UBASH3B: variants seen among roughly 807,000 people sequenced by gnomAD.
The protein encoded by UBASH3B is ubiquitin-associated and SH3 domain-containing protein B.
UBASH3B carries 37 observed loss-of-function variants against 83.4 expected under a neutral mutation model. That is an observed-to-expected ratio of 0.44 (90% CI 0.34 to 0.58). UBASH3B has a LOEUF of 0.58. Among genes scored for constraint, UBASH3B ranks in the 20% least tolerant of loss-of-function variants. The probability of loss-of-function intolerance (pLI) is 0.01; values close to 1 mark genes in which losing one functional copy is unlikely to be tolerated. For synonymous variants in UBASH3B, 304 were observed against 318.3 expected (o/e 0.96, Z 0.48); for missense variants, 657 against 827.2 (o/e 0.79, Z 2.52).
At chr11:122,728,172 C>T (rs1860777540) in intron 1 of UBASH3B, among the ~76,000 whole-genome samples, 1 of 152,164 alleles carries the variant, frequency 6.6e-6, no homozygotes, top group Admixed American at 6.6e-5. Flanking sequence ...TGCAGTTGTT[C>T]TGGGAGGATC....
Position 122,813,993 on chromosome 11 carries a change from C to T in UBASH3B, c.*4107C>T, listed in dbSNP as rs1414734519. On this transcript the variant is annotated 3_prime_UTR_variant, in exon 14 of 14. Coordinates refer to ENST00000284273, the MANE Select transcript of UBASH3B (RefSeq NM_032873.5). ...AGTCGAACTTAATATACAATCAGTTCTTGCAAATACTTTACACTTAGCTGC... is the reference window on the plus strand; with the variant it reads ...AGTCGAACTTAATATACAATCAGTTTTTGCAAATACTTTACACTTAGCTGC... The T allele has an allele frequency of 6.6e-6, 1 of 152,400 alleles. No individual in the cohort carries two copies. Among genetic ancestry groups the T allele is most frequent in the African/African-American group, 2.4e-5 (1 of 41,444 alleles). 9.4% of individuals were successfully genotyped at this position (152,400 alleles called of 1,614,324 possible). A position where few individuals can be genotyped will look rare whatever the true frequency, so the allele number is the denominator to read the frequency against.
chr11:122,754,341 C>G (rs1429777661), intron 1 of UBASH3B, among the ~76,000 whole-genome samples: 1 of 152,230 alleles, frequency 6.6e-6, no homozygotes, highest in Non-Finnish European at 1.5e-5. Flanking sequence ...ATTGGTAACT[C>G]ATTTTCCTGA....
rs1860749720 is a variant in UBASH3B at position 122,777,081 on chromosome 11, C to A, written c.273C>A (p.Val91=). The A allele has an allele frequency of 3.1e-6, 5 of 1,613,848 alleles. No homozygotes were observed. Among genetic ancestry groups the A allele is most frequent in the Non-Finnish European group, 2.5e-6 (3 of 1,179,960 alleles). The change falls in exon 3 of 14, where the codon GTC becomes GTA. Residue 91 remains valine, a synonymous_variant. Coordinates refer to ENST00000284273, the MANE Select transcript of UBASH3B (RefSeq NM_032873.5). ...ATGACCCCCTGCCCCGGGAGTACGT[C>A]CTCTACCTCCGTCCCACCGGCCCCT... is the stretch of plus-strand genomic sequence containing the variant. ...FLDDPLPREY[V]LYLRPTGPLA...
At chr11:122,788,859 C>T (rs982867296) in intron 5 of UBASH3B, among the ~76,000 whole-genome samples, 3 of 152,216 alleles carry the variant, frequency 2.0e-5, no homozygotes, top group Non-Finnish European at 4.4e-5. Flanking sequence ...GAAATCTAGA[C>T]ATGCCTGAAG....
chr11:122,732,860 A>G (rs1378898038), intron 1 of UBASH3B, among the ~76,000 whole-genome samples: 4 of 152,250 alleles, frequency 2.6e-5, no homozygotes, highest in African/African-American at 4.8e-5. Context: ...ATTCTAATCA[A>G]TAGCTCCTCC....
At chr11:122,803,375 C>T (rs982610012) in intron 11 of UBASH3B, among the ~76,000 whole-genome samples, 2 of 152,074 alleles carry the variant, frequency 1.3e-5, no homozygotes, top group African/African-American at 4.8e-5. Context: ...CCCTGAGAGC[C>T]GGGGTAGTGT....
chr11:122,719,761 C>A (rs1002792261), intron 1 of UBASH3B, among the ~76,000 whole-genome samples: 14 of 152,320 alleles, frequency 9.2e-5, no homozygotes, highest in Middle Eastern at 6.8e-3. Flanking sequence ...TTCAATCAGG[C>A]TTCTGTCACA....
intron 1 of UBASH3B, among the ~76,000 whole-genome samples, chr11:122,675,935 A>G (rs1345035072): frequency 1.3e-5 from 2 of 152,154 alleles, no homozygotes; most frequent in Non-Finnish European, 2.9e-5. Context: ...TCTTTTCCCA[A>G]TCCTGAGGAA....
At chr11:122,716,886 A>G (rs538050301) in intron 1 of UBASH3B, among the ~76,000 whole-genome samples, 61 of 152,282 alleles carry the variant, frequency 4.0e-4, no homozygotes, top group African/African-American at 1.5e-3. Context: ...GCTGTCGGTC[A>G]TGGCTCTTCT....
At chr11:122,767,789 A>G (rs1188092012) in intron 1 of UBASH3B, among the ~76,000 whole-genome samples, 1 of 152,204 alleles carries the variant, frequency 6.6e-6, no homozygotes, top group Non-Finnish European at 1.5e-5. Context: ...GAGGAAGAGA[A>G]GCAGCCAGAT....
chr11:122,735,037 C>G lies in UBASH3B; in HGVS notation c.162-41182C>G, dbSNP rs138534439. On this transcript the variant is annotated intron_variant, in intron 1 of 13. Transcript: ENST00000284273. ...CTTTTCCCCTTTTTGGAGGCCAGTA[C>G]TTTTTCTGCACCTTATTATTATTGT... Among the ~76,000 whole-genome samples the G allele has an allele frequency of 1.1e-4, 16 of 152,184 alleles. No individual in the cohort carries two copies. The East Asian group carries it at 3.1e-3, about 29-fold the overall frequency.
chr11:122,746,390 A>C (rs1178949146), intron 1 of UBASH3B, among the ~76,000 whole-genome samples: 2 of 152,224 alleles, frequency 1.3e-5, no homozygotes, highest in African/African-American at 2.4e-5. Flanking sequence ...CAGCGTGAAC[A>C]AACTCAAACC....
intron 1 of UBASH3B, among the ~76,000 whole-genome samples, chr11:122,739,548 T>A (rs1860991408): frequency 6.6e-6 from 1 of 152,232 alleles, no homozygotes; most frequent in South Asian, 2.1e-4. Flanking sequence ...AGCTCCATGC[T>A]GTTGGTGGGT....
chr11:122,811,353 A>C lies in UBASH3B; in HGVS notation c.*1467A>C, dbSNP rs1423053769. On this transcript the variant is annotated 3_prime_UTR_variant, in exon 14 of 14. Transcript: ENST00000284273. The stretch of plus-strand genomic sequence containing the variant: ...TTGCAGTAACATTGACTATGTTTCA[A>C]AACTCAGATGCATAAAACGTAAGGT... 1.3e-5 allele frequency: 2 copies of C among 152,502 alleles called. No homozygotes were observed. The highest frequency in any genetic ancestry group is 2.9e-5 in the Non-Finnish European group (2 of 68,044). 9.4% of individuals were successfully genotyped at this position (152,502 alleles called of 1,614,324 possible).
chr11:122,705,751 TAGGG>T (rs1864110668), intron 1 of UBASH3B, among the ~76,000 whole-genome samples: 1 of 152,172 alleles, frequency 6.6e-6, no homozygotes, highest in South Asian at 2.1e-4. Flanking sequence ...ATGTAGTTAA[TAGGG>T]AGGCTGGGGG....
intron 4 of UBASH3B, chr11:122,782,834 C>T (rs1482483403): frequency 2.0e-5 from 11 of 543,922 alleles, no homozygotes; most frequent in African/African-American, 7.6e-5. Flanking sequence ...AGAGGAAAGC[C>T]GTATGGTGGC....
At chr11:122,731,146 A>G (rs868167707) in intron 1 of UBASH3B, among the ~76,000 whole-genome samples, 2 of 152,350 alleles carry the variant, frequency 1.3e-5, no homozygotes, top group South Asian at 2.1e-4. Flanking sequence ...GTTTCAGGTC[A>G]TGTCTTCCAC....
rs543971219 is a variant in UBASH3B at position 122,672,412 on chromosome 11, C to T, written c.161+16202C>T. ...TTGGCTCACTGCAACCTTTGCCTCC[C>T]GGATTCAAGCGATTCTTCTGCCTCA... On this transcript the variant is annotated intron_variant, in intron 1 of 13. Coordinates refer to ENST00000284273, the MANE Select transcript of UBASH3B (RefSeq NM_032873.5). Among the ~76,000 whole-genome samples, 22 of 152,128 alleles carry T rather than the reference C, an allele frequency of 1.4e-4. 1 individual carries two copies. The highest frequency in any genetic ancestry group is 6.5e-4 in the Admixed American group (10 of 15,278).
chr11:122,771,119 ATTTTCCTGCACATGCAGTGCT>A (rs1565558469), intron 1 of UBASH3B, among the ~76,000 whole-genome samples: 1 of 151,340 alleles, frequency 6.6e-6, no homozygotes, highest in Non-Finnish European at 1.5e-5. Context: ...CCAAGCTTGG[ATTTTCCTGCACATGCAGTGCT>A]GTCTCTTGCT....
Sources: gnomAD v4.1 joint callset for allele counts (sites outside exome capture counted in the v4.1 genomes callset) on GRCh38, gnomAD v4.1.1 for gene constraint, MANE v1.5 for transcripts, NCBI Gene and HGNC (gene_info 2026-07-23, HGNC 2026-07-21) for gene names.